The following ARID5B variants were observed in gnomAD, a reference collection of about 807,000 sequenced individuals.
ARID5B encodes the protein AT-rich interaction domain 5B, also known as AT-rich interactive domain-containing protein 5B.
ARID5B carries 13 observed loss-of-function variants against 97.2 expected under a neutral mutation model. The observed-to-expected ratio is 0.13, with a 90% CI of 0.09 to 0.21. ARID5B has a LOEUF of 0.21. ARID5B is among the 10% of genes least tolerant of loss of function. ARID5B has a pLI of 1.00. For missense variants in ARID5B, 1,210 were observed against 1,465.3 expected, an observed-to-expected ratio of 0.83 and a Z score of 2.84; for synonymous variants, 556 against 570.3, an observed-to-expected ratio of 0.97 and a Z score of 0.36.
At chr10:61,995,348 T>A (rs1397018197) in intron 3 of ARID5B, among the ~76,000 whole-genome samples, 1 of 152,230 alleles carries the variant, frequency 6.6e-6, no homozygotes, top group Non-Finnish European at 1.5e-5. Context: ...TGTTTACTTA[T>A]GTGTATATGA....
At chr10:61,974,640 C>T (rs752125814) in intron 3 of ARID5B, among the ~76,000 whole-genome samples, 7 of 152,088 alleles carry the variant, frequency 4.6e-5, no homozygotes, top group Non-Finnish European at 7.4e-5. Context: ...AAATTTGAGA[C>T]GGTCTCATTT....
chr10:61,966,456 G>T (rs1027886947), intron 3 of ARID5B, among the ~76,000 whole-genome samples: 3 of 151,972 alleles, frequency 2.0e-5, no homozygotes, highest in African/African-American at 7.3e-5. Context: ...AATTTTATTT[G>T]CATCCATCAC....
chr10:62,089,528 CTTTTTTTTT>C (rs34423923), intron 9 of ARID5B, among the ~76,000 whole-genome samples: 1 of 101,548 alleles, frequency 9.8e-6, no homozygotes, highest in Non-Finnish European at 2.0e-5. Flanking sequence ...CCTTCTTTTT[CTTTTTTTTT>C]TTTTTTTTTG....
chr10:61,917,259 T>A (rs1013545308), intron 2 of ARID5B, among the ~76,000 whole-genome samples: 2 of 152,034 alleles, frequency 1.3e-5, no homozygotes, highest in Non-Finnish European at 2.9e-5. Context: ...TATTGACAAA[T>A]CTTTCCATTT....
chr10:61,930,057 T>C (rs1003464928), intron 2 of ARID5B, among the ~76,000 whole-genome samples: 2 of 152,160 alleles, frequency 1.3e-5, no homozygotes, highest in Admixed American at 6.5e-5. Flanking sequence ...CAGTACAATG[T>C]AGTCATGGGC....
At chr10:61,986,563 G>A (rs901644514) in intron 3 of ARID5B, among the ~76,000 whole-genome samples, 15 of 152,056 alleles carry the variant, frequency 9.9e-5, no homozygotes, top group South Asian at 4.1e-4. Flanking sequence ...GTGAGGAAGC[G>A]GATGGGAGAG....
chr10:61,989,750 T>C (rs1490416207), intron 3 of ARID5B, among the ~76,000 whole-genome samples: 1 of 152,200 alleles, frequency 6.6e-6, no homozygotes, highest in Non-Finnish European at 1.5e-5. Context: ...CTTTTCTGAA[T>C]TTAGAGCATC....
At chr10:62,029,639 G>T (rs887617018) in intron 4 of ARID5B, among the ~76,000 whole-genome samples, 4 of 152,204 alleles carry the variant, frequency 2.6e-5, no homozygotes, top group Non-Finnish European at 5.9e-5. Context: ...AGAGTGGAAA[G>T]AGTATATAAT....
At chr10:62,028,827 G>A (rs1839456003) in intron 4 of ARID5B, among the ~76,000 whole-genome samples, 1 of 152,086 alleles carries the variant, frequency 6.6e-6, no homozygotes, top group South Asian at 2.1e-4. Context: ...CGTGCATGGT[G>A]GCGCATGCCT....
chr10:62,049,454 A>T (rs908775493), intron 4 of ARID5B: 1 of 1,550,554 alleles, frequency 6.4e-7, no homozygotes, highest in Middle Eastern at 1.7e-4. Context: ...CACAGGCATC[A>T]GTCAGGCAGA....
intron 4 of ARID5B, among the ~76,000 whole-genome samples, chr10:62,007,695 C>T (rs1839163625): frequency 1.3e-5 from 2 of 152,188 alleles, no homozygotes; most frequent in South Asian, 4.1e-4. Context: ...CCTCAGAAAA[C>T]ACCCACAAAA....
chr10:62,064,562 T>C (rs1839961329), intron 7 of ARID5B, among the ~76,000 whole-genome samples: 1 of 152,228 alleles, frequency 6.6e-6, no homozygotes, highest in South Asian at 2.1e-4. Flanking sequence ...TCCAAGAGCA[T>C]GTCTTGAGCT....
intron 3 of ARID5B, among the ~76,000 whole-genome samples, chr10:61,990,423 A>G (rs1310740063): frequency 6.6e-6 from 1 of 152,240 alleles, no homozygotes; most frequent in Non-Finnish European, 1.5e-5. Flanking sequence ...TGTTGGGCAG[A>G]TAACCTTCTC....
chr10:61,901,761 C>T (rs778181748), intron 1 of ARID5B, 31 bp downstream of exon 1: 2 of 1,600,608 alleles, frequency 1.2e-6, no homozygotes, highest in South Asian at 1.1e-5. Context: ...CCTCCGATCC[C>T]GGCACCCCCC....
In ARID5B at chr10:62,091,772, A is replaced by G. The variant is rs1373243635; in HGVS notation, c.2309A>G (p.Asn770Ser). The change falls in exon 10 of 10, where the codon AAT (asparagine) becomes AGT (serine). Residue 770 changes from asparagine to serine, a missense_variant. Transcript: ENST00000279873. ...CCCTCGGAAGAGAGAAAGACCATCA[A>G]TGACATCTTTAAGCATGAGAAACTG... ...SKPSEERKTI[N>S]DIFKHEKLSR... is the part of the protein sequence containing the mutation. The G allele has an allele frequency of 3.7e-6, 6 of 1,614,046 alleles. No individual in the cohort carries two copies. The highest frequency in any genetic ancestry group is 2.2e-5 in the South Asian group (2 of 91,090).
At chr10:61,991,629 C>G (rs1429554059) in intron 3 of ARID5B, among the ~76,000 whole-genome samples, 2 of 152,140 alleles carry the variant, frequency 1.3e-5, no homozygotes, top group Non-Finnish European at 2.9e-5. Context: ...ACTGTCTTTT[C>G]ACTTTATTGA....
chr10:62,037,730 A>G (rs139205315), intron 4 of ARID5B, among the ~76,000 whole-genome samples: 178 of 152,354 alleles, frequency 1.2e-3, no homozygotes, highest in Non-Finnish European at 1.8e-3. Context: ...CATGAAAGAA[A>G]GGGTATTTCA....
chr10:61,931,787 T>C (rs1844215127), intron 2 of ARID5B, among the ~76,000 whole-genome samples: 1 of 152,178 alleles, frequency 6.6e-6, no homozygotes, highest in South Asian at 2.1e-4. Flanking sequence ...AATGAGAAAC[T>C]ACCACATACA....
At position 62,071,306 on chromosome 10, in the gene ARID5B, T is replaced by A. The variant is rs1234365380; in HGVS notation, c.1199+1509T>A. On this transcript the variant is annotated intron_variant, in intron 8 of 9. Coordinates refer to ENST00000279873, the MANE Select transcript of ARID5B (RefSeq NM_032199.3). ...ACTTCGGCCTCCCAAAGTGCTGGGA[T>A]TACAGGCGTGAGCCACCACACCCAG... 3.3e-5 allele frequency among the ~76,000 whole-genome samples: 5 copies of A among 152,288 alleles called. No individual in the cohort carries two copies. In the East Asian group the frequency reaches 9.6e-4, roughly 29 times the overall value.
Sources: gnomAD v4.1 joint callset for allele counts (sites outside exome capture counted in the v4.1 genomes callset) on GRCh38, gnomAD v4.1.1 for gene constraint, MANE v1.5 for transcripts, NCBI Gene and HGNC (gene_info 2026-07-23, HGNC 2026-07-21) for gene names.